Variants in DEFB134 observed in about 807,000 individuals in gnomAD.
The protein encoded by DEFB134 is defensin beta 134.
Under a neutral mutation model 7.4 loss-of-function variants are expected in DEFB134, and 7 were observed. The observed-to-expected ratio is 0.95, with a 90% confidence interval of 0.54 to 1.79. The LOEUF (loss-of-function observed/expected upper bound fraction) is 1.79, where lower values mean the gene tolerates loss of function less well. Ranked by LOEUF, DEFB134 falls within the 40% of genes most tolerant of loss-of-function variation. The pLI is 0.00. For synonymous variants in DEFB134, 33 were observed against 25.0 expected (o/e 1.32, Z -0.96); for missense variants, 105 against 74.8 (o/e 1.40, Z -1.49).
chr8:11,999,595 C>T (rs916034904), upstream of DEFB134: 1 of 132,000 alleles, frequency 7.6e-6, no homozygotes, highest in African/African-American at 2.6e-5. Context: ...CTGACTAGGT[C>T]ACCAACTACC....
chr8:12,000,228 C>T (rs569831775), upstream of DEFB134, among the ~76,000 whole-genome samples: 3 of 152,270 alleles, frequency 2.0e-5, no homozygotes, highest in South Asian at 6.2e-4. Context: ...TTACAGCACC[C>T]ATTCCTTTTT....
upstream of DEFB134, among the ~76,000 whole-genome samples, chr8:11,998,708 G>T (rs1161585652): frequency 6.6e-6 from 1 of 152,082 alleles, no homozygotes; most frequent in African/African-American, 2.4e-5. Flanking sequence ...TGAACTGAAT[G>T]AAATAGAGAC....
upstream of DEFB134, among the ~76,000 whole-genome samples, chr8:12,000,690 TC>T (rs1800246713): frequency 6.6e-6 from 1 of 152,186 alleles, no homozygotes; most frequent in Non-Finnish European, 1.5e-5. Flanking sequence ...GAACTCTGTC[TC>T]CCCCAAAATA....
Position 11,996,121 on chromosome 8 carries a change from G to A in DEFB134, c.58+73C>T, listed in dbSNP as rs1007166975. On this transcript the variant is annotated intron_variant, in intron 1 of 1. Coordinates refer to ENST00000526438, the Ensembl canonical transcript of DEFB134. ...ATTAAAGGGCCCATGGGTGGTGTAT[G>A]TTTATTGGGTTGTTTAGTGGCATTG... The A allele has an allele frequency of 5.1e-6, 8 of 1,566,886 alleles. No homozygotes were observed. In the African/African-American group the frequency reaches 1.1e-4, roughly 21 times the overall value.
exon 1 of DEFB134, chr8:11,996,209 C>T: frequency 1.2e-6 from 2 of 1,613,718 alleles, no homozygotes; most frequent in Non-Finnish European, 1.7e-6. Context: ...AGCACTGGAT[C>T]CCAAAGGAAA....
upstream of DEFB134, among the ~76,000 whole-genome samples, chr8:11,998,182 C>A (rs966996457): frequency 6.6e-6 from 1 of 152,088 alleles, no homozygotes; most frequent in Non-Finnish European, 1.5e-5. Context: ...GGTGCAGTGG[C>A]TCACACCTGT....
rs142854962 is a variant in DEFB134 at position 11,995,233 on chromosome 8, C to A, written c.58+961G>T. Among the ~76,000 whole-genome samples, 619 of 152,278 alleles carry A rather than the reference C, an allele frequency of 4.1e-3. 3 individuals are homozygous for A. The highest frequency in any genetic ancestry group is 6.8e-3 in the Middle Eastern group (2 of 294). On this transcript the variant is annotated intron_variant, in intron 1 of 1. Coordinates refer to ENST00000526438, the Ensembl canonical transcript of DEFB134. ...GGAATATTGTACACTATATGGGGTT[C>A]TTTGTCTGGAGGCCACAAATCCATT...
upstream of DEFB134, chr8:11,996,447 C>T (rs1345101704): frequency 2.2e-5 from 10 of 462,080 alleles, no homozygotes; most frequent in Non-Finnish European, 3.8e-5. Flanking sequence ...AAAAAATGGA[C>T]AGCCCTTTCT....
exon 1 of DEFB134, chr8:11,996,289 C>G: frequency 1.2e-6 from 2 of 1,608,784 alleles, no homozygotes; most frequent in East Asian, 2.2e-5. Flanking sequence ...GTGGCAGGGT[C>G]TGACATCGGC....
chr8:11,996,438 A>G (rs1800126189), upstream of DEFB134: 5 of 462,824 alleles, frequency 1.1e-5, no homozygotes, highest in East Asian at 1.7e-4. Flanking sequence ...TCTGAGGAAA[A>G]AAAATGGACA....
At position 11,995,811 on chromosome 8, in the gene DEFB134, G is replaced by A. The variant is rs948767780; in HGVS notation, c.58+383C>T. Reference sequence around the variant, plus strand: ...TGGGCATTACTAATGAAAATACAATGATAGCTCTCATGAGCCAGGTACTTT... The same window carrying A: ...TGGGCATTACTAATGAAAATACAATAATAGCTCTCATGAGCCAGGTACTTT... On this transcript the variant is annotated intron_variant, in intron 1 of 1. Transcript: ENST00000526438. 5.9e-5 allele frequency among the ~76,000 whole-genome samples: 9 copies of A among 152,276 alleles called. No homozygotes were observed. The East Asian group carries it at 1.5e-3, about 26-fold the overall frequency.
upstream of DEFB134, chr8:11,996,439 A>G: frequency 4.3e-6 from 2 of 463,712 alleles, no homozygotes; most frequent in Non-Finnish European, 7.6e-6. Context: ...CTGAGGAAAA[A>G]AAATGGACAG....
exon 2 of DEFB134, chr8:11,993,641 TAGGTGTC>T (rs756527531): frequency 5.1e-6 from 1 of 197,576 alleles, no homozygotes. Context: ...GGACACGACT[TAGGTGTC>T]AAAAGTTGTT....
chr8:11,995,551 A>G (rs1378732205), intron 1 of DEFB134, among the ~76,000 whole-genome samples: 2 of 152,188 alleles, frequency 1.3e-5, no homozygotes, highest in African/African-American at 2.4e-5. Flanking sequence ...CCTGGCTGCT[A>G]TCTCATCTGA....
upstream of DEFB134, among the ~76,000 whole-genome samples, chr8:11,997,895 C>T (rs1447005719): frequency 2.0e-5 from 3 of 152,148 alleles, no homozygotes; most frequent in Non-Finnish European, 4.4e-5. Flanking sequence ...TGGAGCATTC[C>T]ACCACACACC....
intron 1 of DEFB134, among the ~76,000 whole-genome samples, chr8:11,995,294 C>T (rs935030000): frequency 7.9e-5 from 12 of 152,168 alleles, no homozygotes; most frequent in African/African-American, 2.7e-4. Context: ...GCATCAGCAG[C>T]TTTAAGAGGC....
At chr8:11,995,972 A>C (rs1800108499) in intron 1 of DEFB134, among the ~76,000 whole-genome samples, 1 of 149,958 alleles carries the variant, frequency 6.7e-6, no homozygotes, top group Non-Finnish European at 1.5e-5. Flanking sequence ...AAAAAAAAGG[A>C]AACTAAGGCT....
chr8:11,996,541 G>A (rs116780510), upstream of DEFB134, among the ~76,000 whole-genome samples: 521 of 152,288 alleles, frequency 3.4e-3, 4 homozygotes, highest in African/African-American at 0.012. Flanking sequence ...AGAACTATGT[G>A]CTCTTACTCT....
At chr8:11,999,675 G>C (rs1438718535), upstream of DEFB134, among the ~76,000 whole-genome samples, 3 of 152,296 alleles carry the variant, frequency 2.0e-5, no homozygotes, top group Admixed American at 2.0e-4. Context: ...AGGTAAAGAA[G>C]AATTTCAGCA....
Sources: allele counts gnomAD v4.1 joint callset (sites outside exome capture counted in the v4.1 genomes callset), GRCh38; gene constraint gnomAD v4.1.1; transcripts MANE v1.5; gene names NCBI Gene and HGNC (gene_info 2026-07-23, HGNC 2026-07-21).